Variants in MMP20 observed in about 807,000 individuals in gnomAD.
MMP20 encodes the protein matrix metalloproteinase-20.
Under a neutral mutation model 51.8 loss-of-function variants are expected in MMP20, and 50 were observed. That is an observed-to-expected ratio of 0.97 (90% CI 0.77 to 1.22). The LOEUF is 1.22. Among genes scored for constraint, MMP20 ranks in the 50% most tolerant of loss-of-function variants. The pLI is 0.00. For missense variants in MMP20, 663 were observed against 601.4 expected (o/e 1.10, Z -1.07); for synonymous variants, 244 against 216.2 (o/e 1.13, Z -1.13).
chr11:102,582,407 G>T (rs1409346359), intron 8 of MMP20, among the ~76,000 whole-genome samples: 1 of 152,190 alleles, frequency 6.6e-6, no homozygotes, highest in Non-Finnish European at 1.5e-5. Context: ...GATGGTTTCA[G>T]GAAGTTTTCT....
chr11:102,607,837 A>C (rs1195154454), intron 5 of MMP20: 1 of 150,214 alleles, frequency 6.7e-6, no homozygotes, highest in Non-Finnish European at 1.5e-5. Flanking sequence ...GGCCCACAGG[A>C]ATCGCTTCCC....
intron 6 of MMP20, among the ~76,000 whole-genome samples, chr11:102,595,179 G>C (rs776866704): frequency 6.6e-6 from 1 of 151,918 alleles, no homozygotes; most frequent in African/African-American, 2.4e-5. Flanking sequence ...CACCTGCCTC[G>C]GCCTCCCAAA....
At chr11:102,599,950 G>A (rs558357379) in intron 6 of MMP20, among the ~76,000 whole-genome samples, 146 of 152,278 alleles carry the variant, frequency 9.6e-4, no homozygotes, top group African/African-American at 3.3e-3. Context: ...TGAAGAGCCC[G>A]TGAAAATCCA....
chr11:102,625,227 G>T lies in MMP20; in HGVS notation c.93C>A (p.Pro31=). The change falls in exon 1 of 10, where the codon CCC becomes CCA. Residue 31 remains proline, a synonymous_variant. Coordinates refer to ENST00000260228, the MANE Select transcript of MMP20 (RefSeq NM_004771.4). ...TAAPSLVAAS[P]RTWRNNYRLA... ...GGCGGTAGTTGTTCCTCCAGGTCCT[G>T]GGGGAGGCTGCAACTAGGGAGGGGG... 3.7e-6 allele frequency: 6 copies of T among 1,613,908 alleles called. No individual in the cohort carries two copies. Among genetic ancestry groups the T allele is most frequent in the Non-Finnish European group, 5.1e-6 (6 of 1,179,926 alleles).
intron 3 of MMP20, 102 bp downstream of exon 3, chr11:102,611,653 G>T: frequency 7.0e-7 from 1 of 1,427,396 alleles, no homozygotes; most frequent in Non-Finnish European, 9.7e-7. Context: ...ACAGCACTGT[G>T]CGAAGGAGGA....
At chr11:102,578,133 A>C (rs1859147922) in intron 9 of MMP20, among the ~76,000 whole-genome samples, 1 of 148,870 alleles carries the variant, frequency 6.7e-6, no homozygotes, top group African/African-American at 2.5e-5. Flanking sequence ...AAGCACTGAG[A>C]AGCTTGAGAC....
chr11:102,583,199 C>A (rs1331083147), intron 8 of MMP20, among the ~76,000 whole-genome samples: 1 of 152,230 alleles, frequency 6.6e-6, no homozygotes, highest in Non-Finnish European at 1.5e-5. Flanking sequence ...TGACCCCCAA[C>A]TAGTCAGTCA....
intron 9 of MMP20, among the ~76,000 whole-genome samples, chr11:102,578,796 A>AC (rs1859158370): frequency 1.5e-5 from 2 of 133,600 alleles, no homozygotes; most frequent in East Asian, 5.5e-4. Context: ...CACACACAAA[A>AC]ACAAAAACAA....
chr11:102,610,644 T>C (rs7129052), intron 3 of MMP20, among the ~76,000 whole-genome samples: 1 of 152,176 alleles, frequency 6.6e-6, no homozygotes, highest in East Asian at 1.9e-4. Context: ...TGTTTAATTA[T>C]CTATTTTAAC....
At chr11:102,616,680 A>G (rs1859675560) in intron 2 of MMP20, 132 bp downstream of exon 2, 3 of 1,220,786 alleles carry the variant, frequency 2.5e-6, no homozygotes, top group South Asian at 2.8e-5. Flanking sequence ...ATGGATGTAA[A>G]AAGTTCTTAT....
At chr11:102,617,529 A>G (rs1459732699) in intron 1 of MMP20, among the ~76,000 whole-genome samples, 4 of 152,212 alleles carry the variant, frequency 2.6e-5, no homozygotes, top group Non-Finnish European at 4.4e-5. Context: ...CAAGATCAGT[A>G]TGCTTTTAAC....
chr11:102,594,525 C>G, intron 7 of MMP20, 96 bp downstream of exon 7: 6 of 1,513,028 alleles, frequency 4.0e-6, no homozygotes, highest in South Asian at 1.2e-5. Flanking sequence ...AAATGTGCTC[C>G]ATGATGACTG....
At chr11:102,611,085 G>A (rs1859593012) in intron 3 of MMP20, among the ~76,000 whole-genome samples, 1 of 152,166 alleles carries the variant, frequency 6.6e-6, no homozygotes, top group Non-Finnish European at 1.5e-5. Flanking sequence ...TTATTCTCAG[G>A]ACTTGCTTGA....
intron 6 of MMP20, among the ~76,000 whole-genome samples, chr11:102,599,012 CTTTT>C (rs3046928): frequency 7.8e-5 from 10 of 127,902 alleles, no homozygotes; most frequent in Non-Finnish European, 1.3e-4. Flanking sequence ...TTTCTTCTAT[CTTTT>C]TTTTTTTTTT....
intron 5 of MMP20, chr11:102,607,037 A>C: frequency 3.8e-6 from 1 of 265,782 alleles, no homozygotes; most frequent in Non-Finnish European, 7.3e-6. Context: ...AACTTCTTTG[A>C]TATCTACAAG....
intron 4 of MMP20, 31 bp from the exon 5 acceptor site, chr11:102,609,129 T>C (rs758250007): frequency 1.9e-6 from 3 of 1,605,702 alleles, no homozygotes; most frequent in Middle Eastern, 1.7e-4. Flanking sequence ...AAAAACAGTA[T>C]CAACACAGGT....
At chr11:102,619,015 A>G (rs1486011588) in intron 1 of MMP20, among the ~76,000 whole-genome samples, 1 of 152,144 alleles carries the variant, frequency 6.6e-6, no homozygotes, top group African/African-American at 2.4e-5. Flanking sequence ...GAAAAGGGAG[A>G]GGGAACATGG....
intron 1 of MMP20, among the ~76,000 whole-genome samples, chr11:102,624,505 T>A (rs974938288): frequency 6.7e-6 from 1 of 150,244 alleles, no homozygotes; most frequent in Admixed American, 6.6e-5. Flanking sequence ...GGATCATTTC[T>A]ATCAGACCCT....
At chr11:102,607,655 C>T (rs1479261964) in intron 5 of MMP20, 1 of 152,092 alleles carries the variant, frequency 6.6e-6, no homozygotes, top group African/African-American at 2.4e-5. Context: ...GATATGAATG[C>T]TCCCTTGTAA....
Sources: gnomAD v4.1 joint callset for allele counts (sites outside exome capture counted in the v4.1 genomes callset) on GRCh38, gnomAD v4.1.1 for gene constraint, MANE v1.5 for transcripts, NCBI Gene and HGNC (gene_info 2026-07-23, HGNC 2026-07-21) for gene names.